Variants in MYRIP observed in about 807,000 individuals in gnomAD.
MYRIP encodes myosin VIIA and Rab interacting protein, also known as rab effector MyRIP.
A neutral mutation model predicts 98.0 loss-of-function variants in MYRIP; 49 were observed. The ratio of observed to expected loss-of-function variants is 0.50; its 90% CI spans 0.40 to 0.63. MYRIP has a LOEUF of 0.63. MYRIP is among the 30% of genes least tolerant of loss of function. The probability of loss-of-function intolerance (pLI) is 0.00; values close to 1 mark genes in which losing one functional copy is unlikely to be tolerated. For synonymous variants in MYRIP, 404 were observed against 409.5 expected (o/e 0.99, Z 0.16); for missense variants, 1,004 against 1,058.2 (o/e 0.95, Z 0.71).
intron 2 of MYRIP, among the ~76,000 whole-genome samples, chr3:40,023,412 G>C (rs1266404220): frequency 6.6e-6 from 1 of 152,162 alleles, no homozygotes; most frequent in East Asian, 1.9e-4. Context: ...GTTACCCAGA[G>C]ATCAGTAACC....
chr3:40,163,925 C>G (rs1950449933), intron 5 of MYRIP, among the ~76,000 whole-genome samples: 1 of 152,162 alleles, frequency 6.6e-6, no homozygotes, highest in African/African-American at 2.4e-5. Context: ...TGCAGCTTCT[C>G]CATAGGTTAC....
At chr3:39,901,648 C>T (rs1217010761) in intron 2 of MYRIP, among the ~76,000 whole-genome samples, 1 of 152,056 alleles carries the variant, frequency 6.6e-6, no homozygotes, top group Admixed American at 6.6e-5. Flanking sequence ...CCTATTATTC[C>T]TTGGGATTCC....
Position 40,209,952 on chromosome 3 carries a change from C to G in MYRIP, c.1764C>G (p.Tyr588Ter). The change falls in exon 11 of 17, where the codon TAC (tyrosine) becomes TAG (stop). Residue 588 changes from tyrosine (Y) to a stop codon, truncating the protein, a stop_gained. Transcript: ENST00000302541. LOFTEE classifies it high-confidence loss of function. ...TTEEKRRNRL[Y>*]ELAMKMSEKE... ...AGGAGAAACGGAGAAACAGGCTGTA[C>G]GAGTTAGCAATGAAAATGAGTGAAA... 1.2e-6 allele frequency: 2 copies of G among 1,613,930 alleles called. No individual in the cohort carries two copies. Among genetic ancestry groups the G allele is most frequent in the Non-Finnish European group, 1.7e-6 (2 of 1,179,942 alleles).
chr3:40,048,455 A>C (rs541910793), intron 3 of MYRIP, among the ~76,000 whole-genome samples: 3 of 151,762 alleles, frequency 2.0e-5, no homozygotes. Flanking sequence ...CATTCATCCT[A>C]CAATATGAAT....
At chr3:40,016,614 C>T (rs1946867466) in intron 2 of MYRIP, among the ~76,000 whole-genome samples, 1 of 152,154 alleles carries the variant, frequency 6.6e-6, no homozygotes, top group South Asian at 2.1e-4. Context: ...GTTGTCCTGG[C>T]CCAGCCCTGT....
chr3:40,230,832 T>TG (rs1473257824), intron 11 of MYRIP, among the ~76,000 whole-genome samples: 14 of 151,994 alleles, frequency 9.2e-5, no homozygotes, highest in Non-Finnish European at 1.6e-4. Flanking sequence ...TTTTTTTTTT[T>TG]TTTGTTTTTT....
At chr3:40,156,456 G>A (rs1358794972) in intron 4 of MYRIP, among the ~76,000 whole-genome samples, 1 of 152,184 alleles carries the variant, frequency 6.6e-6, no homozygotes, top group Non-Finnish European at 1.5e-5. Flanking sequence ...TTTTGGCTTA[G>A]GATTGACTTG....
intron 2 of MYRIP, chr3:39,970,283 A>G (rs1286082551): frequency 3.3e-5 from 5 of 152,162 alleles, no homozygotes; most frequent in South Asian, 2.1e-4. Context: ...TAAAAAAAAT[A>G]CAATAGATAG....
chr3:40,173,994 C>T (rs1223099124), intron 8 of MYRIP: 1 of 152,112 alleles, frequency 6.6e-6, no homozygotes, highest in Non-Finnish European at 1.5e-5. Flanking sequence ...TAATGGAAGC[C>T]CCTCCCTGAA....
Position 40,016,154 on chromosome 3 carries a change from G to A in MYRIP, c.111-27896G>A, listed in dbSNP as rs967009113. Among the ~76,000 whole-genome samples the A allele has an allele frequency of 3.9e-5, 6 of 152,094 alleles. No homozygotes were observed. The East Asian group carries it at 5.8e-4, about 15-fold the overall frequency. On this transcript the variant is annotated intron_variant, in intron 2 of 16. Coordinates refer to ENST00000302541, the MANE Select transcript of MYRIP (RefSeq NM_015460.4). The stretch of plus-strand genomic sequence containing the variant: ...TCTGTCCTCTTCTCCTTGGATAATT[G>A]TGTCCACTCCCATCTCTATGCTGGT...
chr3:40,031,773 C>T (rs900990160), intron 2 of MYRIP, among the ~76,000 whole-genome samples: 4 of 152,098 alleles, frequency 2.6e-5, no homozygotes, highest in South Asian at 2.1e-4. Context: ...AGTTTATTTG[C>T]GTAGAGGTGT....
At chr3:39,874,591 G>T (rs1269806498) in intron 1 of MYRIP, among the ~76,000 whole-genome samples, 3 of 152,084 alleles carry the variant, frequency 2.0e-5, no homozygotes, top group Non-Finnish European at 2.9e-5. Flanking sequence ...TGCATCTTTT[G>T]AGATAATCAT....
chr3:39,869,824 G>A (rs1047119473), intron 1 of MYRIP, among the ~76,000 whole-genome samples: 12 of 152,256 alleles, frequency 7.9e-5, no homozygotes, highest in African/African-American at 2.6e-4. Flanking sequence ...TTGGCATGGA[G>A]GGAAGCAAAG....
chr3:40,223,636 A>G (rs1385674707), intron 11 of MYRIP, among the ~76,000 whole-genome samples: 1 of 152,220 alleles, frequency 6.6e-6, no homozygotes, highest in Non-Finnish European at 1.5e-5. Context: ...ATAAGAGACA[A>G]TATTTAAAAG....
intron 2 of MYRIP, among the ~76,000 whole-genome samples, chr3:40,036,108 T>G (rs957415989): frequency 6.6e-6 from 1 of 151,722 alleles, no homozygotes; most frequent in African/African-American, 2.4e-5. Flanking sequence ...TCTTTAGAAT[T>G]AATGAAGTTT....
intron 2 of MYRIP, among the ~76,000 whole-genome samples, chr3:40,042,287 A>G (rs1947553083): frequency 1.2e-5 from 1 of 82,750 alleles, no homozygotes; most frequent in Non-Finnish European, 2.7e-5. Flanking sequence ...GACTGGAAGG[A>G]TAAAAAAAAA....
intron 3 of MYRIP, among the ~76,000 whole-genome samples, chr3:40,101,471 G>T (rs1435680353): frequency 5.3e-5 from 8 of 152,054 alleles, no homozygotes; most frequent in African/African-American, 1.4e-4. Flanking sequence ...GCTTTTCCAG[G>T]CTTGAGAAAC....
chr3:40,121,372 T>C (rs948351126), intron 3 of MYRIP, among the ~76,000 whole-genome samples: 1 of 152,158 alleles, frequency 6.6e-6, no homozygotes, highest in Non-Finnish European at 1.5e-5. Flanking sequence ...ACAAAGCTCT[T>C]TTCCCACCCC....
At chr3:40,060,944 T>C (rs971087122) in intron 3 of MYRIP, among the ~76,000 whole-genome samples, 5 of 152,226 alleles carry the variant, frequency 3.3e-5, no homozygotes, top group African/African-American at 1.2e-4. Flanking sequence ...GTTTTCATAA[T>C]TGAATTGGAT....
Sources: allele counts gnomAD v4.1 joint callset (sites outside exome capture counted in the v4.1 genomes callset), GRCh38; gene constraint gnomAD v4.1.1; transcripts MANE v1.5; gene names NCBI Gene and HGNC (gene_info 2026-07-23, HGNC 2026-07-21).